ALKAL1: variants seen among roughly 807,000 people sequenced by gnomAD.
ALKAL1 encodes the protein AUG-beta.
A neutral mutation model predicts 13.5 loss-of-function variants in ALKAL1; 23 were observed. The ratio of observed to expected loss-of-function variants is 1.70; its 90% CI spans 1.23 to 2.41. ALKAL1 has a LOEUF of 2.41. ALKAL1 is among the 30% of genes most tolerant of loss of function. The pLI is 0.00. For synonymous variants in ALKAL1, 85 were observed against 77.7 expected, an observed-to-expected ratio of 1.09 and a Z score of -0.49; for missense variants, 181 against 178.4, an observed-to-expected ratio of 1.01 and a Z score of -0.08.
intron 1 of ALKAL1, among the ~76,000 whole-genome samples, chr8:52,564,329 C>T (rs1847579545): frequency 6.6e-6 from 1 of 152,214 alleles, no homozygotes; most frequent in Non-Finnish European, 1.5e-5. Context: ...CTCCCTCCAG[C>T]GCTGCCCCAA....
intron 1 of ALKAL1, among the ~76,000 whole-genome samples, chr8:52,552,985 T>C (rs1347740401): frequency 6.6e-6 from 1 of 152,204 alleles, no homozygotes; most frequent in African/African-American, 2.4e-5. Flanking sequence ...GAAAAATGTG[T>C]ACGGTATAAG....
At chr8:52,542,300 C>A in intron 2 of ALKAL1, 92 bp downstream of exon 2, 1 of 830,320 alleles carries the variant, frequency 1.2e-6, no homozygotes, top group Non-Finnish European at 1.9e-6. Flanking sequence ...CCCCTACAGA[C>A]ATTTATTTTC....
chr8:52,544,475 G>T (rs1322361110), intron 1 of ALKAL1, among the ~76,000 whole-genome samples: 1 of 152,192 alleles, frequency 6.6e-6, no homozygotes, highest in Non-Finnish European at 1.5e-5. Flanking sequence ...GGCTGCAGGT[G>T]CAGGTAGGCT....
Position 52,538,528 on chromosome 8 carries a change from T to A in ALKAL1, c.326-21A>T, listed in dbSNP as rs1209979600. On this transcript the variant is annotated intron_variant, in intron 3 of 4. Coordinates refer to ENST00000358543, the MANE Select transcript of ALKAL1 (RefSeq NM_207413.4). ...GTAATCTAGGAAAAACATTTAAAGG[T>A]AAATTATATATAGAGTTACTAGAAA... The A allele has an allele frequency of 2.0e-6, 3 of 1,482,530 alleles. No homozygotes were observed. In the African/African-American group the frequency reaches 4.2e-5, roughly 21 times the overall value. 91.8% of individuals were successfully genotyped at this position (1,482,530 alleles called of 1,614,324 possible).
At chr8:52,560,549 C>T (rs1273672181) in intron 1 of ALKAL1, among the ~76,000 whole-genome samples, 1 of 152,150 alleles carries the variant, frequency 6.6e-6, no homozygotes, top group African/African-American at 2.4e-5. Context: ...TTGTTTTAAT[C>T]CTAGGTTTTC....
chr8:52,534,428 T>C lies in ALKAL1; in HGVS notation c.*185A>G. On this transcript the variant is annotated 3_prime_UTR_variant, in exon 5 of 5. Coordinates refer to ENST00000358543, the MANE Select transcript of ALKAL1 (RefSeq NM_207413.4). ...ATAAATTACTGTATACACAAAAAGA[T>C]AAAGCAAGAAAGACTCCATTCTATG... 5 of 407,858 alleles carry C rather than the reference T, an allele frequency of 1.2e-5. No individual in the cohort carries two copies. The highest frequency in any genetic ancestry group is 2.2e-5 in the Non-Finnish European group (5 of 232,166). 25.3% of individuals were successfully genotyped at this position (407,858 alleles called of 1,614,324 possible).
chr8:52,554,827 G>A (rs556733434), intron 1 of ALKAL1, among the ~76,000 whole-genome samples: 16 of 152,310 alleles, frequency 1.1e-4, no homozygotes, highest in East Asian at 3.9e-4. Context: ...ATCATTTAAC[G>A]AGGAAGAGAT....
chr8:52,547,686 G>T (rs968884924), intron 1 of ALKAL1, among the ~76,000 whole-genome samples: 1 of 151,990 alleles, frequency 6.6e-6, no homozygotes, highest in South Asian at 2.1e-4. Context: ...AAAGAAATGT[G>T]TGAATTAATT....
At chr8:52,559,220 G>A (rs1276599662) in intron 1 of ALKAL1, among the ~76,000 whole-genome samples, 5 of 152,194 alleles carry the variant, frequency 3.3e-5, no homozygotes, top group African/African-American at 1.2e-4. Context: ...ACCAGAGCAT[G>A]CTTGTATAGT....
chr8:52,560,522 T>A (rs13282392), intron 1 of ALKAL1, among the ~76,000 whole-genome samples: 29,271 of 152,040 alleles, frequency 0.19, 3,745 homozygotes, highest in East Asian at 0.62. Flanking sequence ...AAGAAAAAAA[T>A]TGCCATTAAA....
At chr8:52,556,515 C>A (rs1022833267) in intron 1 of ALKAL1, among the ~76,000 whole-genome samples, 1 of 151,544 alleles carries the variant, frequency 6.6e-6, no homozygotes, top group Non-Finnish European at 1.5e-5. Context: ...GGCGTGGTGG[C>A]GCGCGCCTGT....
chr8:52,557,524 T>C (rs1202029388), intron 1 of ALKAL1, among the ~76,000 whole-genome samples: 1 of 152,244 alleles, frequency 6.6e-6, no homozygotes, highest in Non-Finnish European at 1.5e-5. Context: ...GGTGTTTTTG[T>C]TTTCCTGTTT....
At chr8:52,548,813 C>A (rs1384678124) in intron 1 of ALKAL1, among the ~76,000 whole-genome samples, 1 of 152,080 alleles carries the variant, frequency 6.6e-6, no homozygotes. Context: ...TTTACTAAAA[C>A]AGTTGCCATC....
chr8:52,536,847 C>A (rs1326037491), intron 4 of ALKAL1, among the ~76,000 whole-genome samples: 1 of 152,176 alleles, frequency 6.6e-6, no homozygotes, highest in Non-Finnish European at 1.5e-5. Context: ...TGTCAAAAAA[C>A]TATTTTAATT....
At chr8:52,564,383 C>T (rs1847580011) in intron 1 of ALKAL1, among the ~76,000 whole-genome samples, 3 of 152,186 alleles carry the variant, frequency 2.0e-5, no homozygotes, top group African/African-American at 7.2e-5. Context: ...GGGGCTTTTC[C>T]GTGTTCCCCG....
chr8:52,540,731 T>A (rs1168815556), intron 2 of ALKAL1, among the ~76,000 whole-genome samples: 2 of 151,788 alleles, frequency 1.3e-5, no homozygotes, highest in Non-Finnish European at 2.9e-5. Context: ...TGAGACCCCA[T>A]CTCTTAAAAA....
intron 1 of ALKAL1, among the ~76,000 whole-genome samples, chr8:52,561,812 C>T (rs1847553871): frequency 6.6e-6 from 1 of 152,160 alleles, no homozygotes; most frequent in South Asian, 2.1e-4. Context: ...AGCACAACAA[C>T]ACAAATCTGA....
chr8:52,559,160 A>G (rs1465409295), intron 1 of ALKAL1, among the ~76,000 whole-genome samples: 1 of 152,160 alleles, frequency 6.6e-6, no homozygotes, highest in Non-Finnish European at 1.5e-5. Flanking sequence ...TCCACCTCCA[A>G]CACTGAGGAT....
chr8:52,537,640 A>G (rs1049363727), intron 4 of ALKAL1, among the ~76,000 whole-genome samples: 2 of 152,186 alleles, frequency 1.3e-5, no homozygotes, highest in Non-Finnish European at 2.9e-5. Context: ...CTATTCAGCC[A>G]TAAAAAGAAT....
Sources: gnomAD v4.1 joint callset for allele counts (sites outside exome capture counted in the v4.1 genomes callset) on GRCh38, gnomAD v4.1.1 for gene constraint, MANE v1.5 for transcripts, NCBI Gene and HGNC (gene_info 2026-07-23, HGNC 2026-07-21) for gene names.